The following HDAC2 variants were observed in gnomAD, a reference collection of about 807,000 sequenced individuals.
The protein encoded by HDAC2 is YY1-associated factor 1.
Under a neutral mutation model 68.5 loss-of-function variants are expected in HDAC2, and 5 were observed. The ratio of observed to expected loss-of-function variants is 0.07; its 90% CI spans 0.04 to 0.15. The LOEUF (loss-of-function observed/expected upper bound fraction) is 0.15. HDAC2 is among the 10% of genes least tolerant of loss of function. The pLI is 1.00. For missense variants in HDAC2, 291 were observed against 600.8 expected (o/e 0.48, Z 5.39); for synonymous variants, 182 against 191.3 (o/e 0.95, Z 0.40).
chr6:113,956,910 G>T, intron 3 of HDAC2: 1 of 462,284 alleles, frequency 2.2e-6, no homozygotes, highest in Non-Finnish European at 3.9e-6. Context: ...ATCTTATCAG[G>T]ATTATCTGTG....
At chr6:113,944,244 T>G (rs2114590664) in intron 11 of HDAC2, 36 bp downstream of exon 11, 1 of 1,573,892 alleles carries the variant, frequency 6.4e-7, no homozygotes, top group African/African-American at 1.3e-5. Flanking sequence ...TCAATTATCA[T>G]TTTGACAAAT....
intron 1 of HDAC2, among the ~76,000 whole-genome samples, chr6:113,968,017 T>C (rs998980718): frequency 6.6e-6 from 1 of 152,244 alleles, no homozygotes; most frequent in East Asian, 1.9e-4. Flanking sequence ...CCTAAAGGGT[T>C]ACCTGAAGAT....
rs914226839 is a variant in HDAC2 at position 113,943,273 on chromosome 6, C to T, written c.1378+78G>A. The T allele has an allele frequency of 5.4e-5, 64 of 1,178,226 alleles. No individual in the cohort carries two copies. In the East Asian group the frequency reaches 7.0e-4, roughly 13 times the overall value. 73.0% of individuals were successfully genotyped at this position (1,178,226 alleles called of 1,614,324 possible). ...CCTGATACCTGTGCAACTGACTTCT[C>T]GATAGCATAAACATTATAATGCAGC... On this transcript the variant is annotated intron_variant, in intron 12 of 13. Transcript: ENST00000519065.
At chr6:113,969,986 A>AT (rs1562152357) in intron 1 of HDAC2, 1 of 152,292 alleles carries the variant, frequency 6.6e-6, no homozygotes, top group Non-Finnish European at 1.5e-5. Flanking sequence ...GAGGCAAGCC[A>AT]GGACCCATGG....
At chr6:113,942,953 A>T (rs552789780) in intron 12 of HDAC2, among the ~76,000 whole-genome samples, 3 of 152,130 alleles carry the variant, frequency 2.0e-5, no homozygotes, top group African/African-American at 7.2e-5. Context: ...TGGTCTAAGG[A>T]TATGTAACTC....
intron 3 of HDAC2, among the ~76,000 whole-genome samples, chr6:113,957,541 G>A (rs570190037): frequency 9.0e-4 from 137 of 151,900 alleles, no homozygotes; most frequent in African/African-American, 3.2e-3. Flanking sequence ...GAGTGCAATG[G>A]CGTGAGCTTG....
intron 8 of HDAC2, chr6:113,948,175 G>A (rs1232000239): frequency 1.3e-5 from 2 of 152,094 alleles, no homozygotes; most frequent in Non-Finnish European, 2.9e-5. Flanking sequence ...ATGTACTGCA[G>A]CACTCCTAAT....
rs1385035990 is a variant in HDAC2 at position 113,943,455 on chromosome 6, T to G, written c.1274A>C (p.Glu425Ala). The stretch of plus-strand genomic sequence containing the variant: ...TCTTCGACCTCCTTCTCCTTCATCC[T>G]CAGAATCTGAGAATTCTTCATCACA... ...IACDEEFSDS[E>A]DEGEGGRRNV... is the part of the protein sequence containing the mutation. The change falls in exon 12 of 14, where the codon GAG becomes GCG. Residue 425 changes from glutamate to alanine, a missense_variant. Transcript: ENST00000519065. The G allele has an allele frequency of 6.2e-7, 1 of 1,609,802 alleles. No homozygotes were observed. Among genetic ancestry groups the G allele is most frequent in the Non-Finnish European group, 8.5e-7 (1 of 1,179,052 alleles).
chr6:113,962,746 G>A (rs1376108447), intron 1 of HDAC2, among the ~76,000 whole-genome samples: 4 of 151,886 alleles, frequency 2.6e-5, no homozygotes, highest in Non-Finnish European at 5.9e-5. Flanking sequence ...GGCAGATCAC[G>A]AAGTCAAGAG....
intron 3 of HDAC2, 185 bp from the exon 4 acceptor site, chr6:113,956,878 G>A (rs1045267068): frequency 9.5e-6 from 5 of 527,738 alleles, no homozygotes; most frequent in Non-Finnish European, 1.7e-5. Context: ...TAATTAAAGT[G>A]TTATCTGTGA....
At chr6:113,959,245 A>C (rs1290924069) in intron 2 of HDAC2, among the ~76,000 whole-genome samples, 1 of 152,100 alleles carries the variant, frequency 6.6e-6, no homozygotes, top group Non-Finnish European at 1.5e-5. Flanking sequence ...AGACTTCCAG[A>C]CTGAGTCTTA....
At chr6:113,959,729 G>T in intron 2 of HDAC2, 177 bp downstream of exon 2, 1 of 453,078 alleles carries the variant, frequency 2.2e-6, no homozygotes, top group Non-Finnish European at 3.9e-6. Flanking sequence ...GGAAAAAGAG[G>T]GTATAGCTCT....
At position 113,944,238 on chromosome 6, in the gene HDAC2, T is replaced by C. The variant is rs746166272; in HGVS notation, c.1222+42A>G. Reference sequence around the variant, plus strand: ...AGGCCACTAAAACCTTCCATTTCAATTATCATTTTGACAAATTGGAAAAAT... The same window carrying C: ...AGGCCACTAAAACCTTCCATTTCAACTATCATTTTGACAAATTGGAAAAAT... On this transcript the variant is annotated intron_variant, in intron 11 of 13. Coordinates refer to ENST00000519065, the MANE Select transcript of HDAC2 (RefSeq NM_001527.4). 3.9e-6 allele frequency: 6 copies of C among 1,546,600 alleles called. No homozygotes were observed. In the South Asian group the frequency reaches 6.7e-5, roughly 17 times the overall value.
intron 1 of HDAC2, among the ~76,000 whole-genome samples, chr6:113,964,646 T>C (rs1344778015): frequency 6.6e-6 from 1 of 152,238 alleles, no homozygotes; most frequent in African/African-American, 2.4e-5. Context: ...TGTATCTTTT[T>C]CAGTCTCAAT....
rs935931172 is a variant in HDAC2 at position 113,948,836 on chromosome 6, T to C, written c.841+143A>G. ...AAACAAGAATAACTCTAGTCATACA[T>C]ACAACAGACAAAACCCCATGAAAAA... On this transcript the variant is annotated intron_variant, in intron 8 of 13. Coordinates refer to ENST00000519065, the MANE Select transcript of HDAC2 (RefSeq NM_001527.4). 7.9e-6 allele frequency: 6 copies of C among 763,694 alleles called. No homozygotes were observed. The African/African-American group carries it at 1.1e-4, about 13-fold the overall frequency. 47.3% of individuals were successfully genotyped at this position (763,694 alleles called of 1,614,324 possible).
At chr6:113,951,248 A>G (rs564028797) in intron 6 of HDAC2, among the ~76,000 whole-genome samples, 1 of 152,200 alleles carries the variant, frequency 6.6e-6, no homozygotes, top group African/African-American at 2.4e-5. Flanking sequence ...TTCAACAATG[A>G]GCTAAACTCA....
Position 113,970,959 on chromosome 6 carries a change from T to C in HDAC2, c.-51A>G. On this transcript the variant is annotated 5_prime_UTR_variant, in exon 1 of 14. Coordinates refer to ENST00000519065, the MANE Select transcript of HDAC2 (RefSeq NM_001527.4). ...GGGCTCCTCCTCCTGCTGCTGCTGC[T>C]GCTGCTGCTGCCGCCGCGGCTCGGC... 1.9e-6 allele frequency: 3 copies of C among 1,562,302 alleles called. No individual in the cohort carries two copies. Among genetic ancestry groups the C allele is most frequent in the Non-Finnish European group, 2.6e-6 (3 of 1,153,174 alleles).
In HDAC2 at chr6:113,956,002, A is replaced by C. The variant is rs755965309; in HGVS notation, c.497+11T>G. 10 of 1,579,802 alleles carry C rather than the reference A, an allele frequency of 6.3e-6. No individual in the cohort carries two copies. Among genetic ancestry groups the C allele is most frequent in the Non-Finnish European group, 8.6e-7 (1 of 1,160,258 alleles). The stretch of plus-strand genomic sequence containing the variant: ...TATCACTGAAAAGAGTATCAATATA[A>C]ATTAACATACTTTAGTAATTCAAGG... On this transcript the variant is annotated intron_variant, in intron 5 of 13. Coordinates refer to ENST00000519065, the MANE Select transcript of HDAC2 (RefSeq NM_001527.4).
Position 113,943,466 on chromosome 6 carries a change from G to T in HDAC2, c.1263C>A (p.Phe421Leu), listed in dbSNP as rs1217634563. 6.2e-7 allele frequency: 1 copy of T among 1,608,982 alleles called. No homozygotes were observed. Among genetic ancestry groups the T allele is most frequent in the Admixed American group, 1.7e-5 (1 of 59,814 alleles). ...SDKRIACDEE[F>L]SDSEDEGEGG... Reference sequence around the variant, plus strand: ...CTTCTCCTTCATCCTCAGAATCTGAGAATTCTTCATCACAAGCTATCCGCT... The same window carrying T: ...CTTCTCCTTCATCCTCAGAATCTGATAATTCTTCATCACAAGCTATCCGCT... The change falls in exon 12 of 14, where the codon TTC becomes TTA. Residue 421 changes from phenylalanine (F) to leucine (L), a missense_variant. Phe to Leu is a conservative substitution (Grantham distance 22). Transcript: ENST00000519065.
Sources: allele counts gnomAD v4.1 joint callset (sites outside exome capture counted in the v4.1 genomes callset), GRCh38; gene constraint gnomAD v4.1.1; transcripts MANE v1.5; gene names NCBI Gene and HGNC (gene_info 2026-07-23, HGNC 2026-07-21).